FAAP20: variants seen among roughly 807,000 people sequenced by gnomAD.
FAAP20 encodes the protein Fanconi anemia core complex-associated protein 20.
FAAP20 carries 12 observed loss-of-function variants against 16.2 expected under a neutral mutation model. The observed-to-expected ratio is 0.74, with a 90% confidence interval of 0.48 to 1.20. FAAP20 has a LOEUF of 1.20. Ranked by LOEUF, FAAP20 falls within the 50% of genes most tolerant of loss-of-function variation. The pLI, the probability that FAAP20 is intolerant of heterozygous loss-of-function variation, is 0.00. For missense variants in FAAP20, 288 were observed against 245.8 expected (o/e 1.17, Z -1.15); for synonymous variants, 141 against 110.7 (o/e 1.27, Z -1.72).
upstream of FAAP20, among the ~76,000 whole-genome samples, chr1:2,196,540 CAAA>C (rs1203182062): frequency 2.3e-5 from 3 of 128,100 alleles, no homozygotes; most frequent in Non-Finnish European, 3.4e-5. This position sits in a 1 kb window ranked among gnomAD's most constrained non-coding sequence, Gnocchi z 4.5. Context: ...GACCCCAACT[CAAA>C]AAAAAAAAAA....
chr1:2,201,189 CGT>C (rs1014233896), upstream of FAAP20: 1 of 1,243,940 alleles, frequency 8.0e-7, no homozygotes, highest in African/African-American at 1.5e-5. Context: ...ACAGAGGAGC[CGT>C]GGGGTGGCTC....
At chr1:2,185,457 C>G (rs866992583), downstream of FAAP20, 1 of 718,560 alleles carries the variant, frequency 1.4e-6, no homozygotes. Flanking sequence ...GCAACCCACA[C>G]GTAGGGGGGC....
At position 2,193,735 on chromosome 1, in the gene FAAP20, T is replaced by A. The variant is rs1388057419; in HGVS notation, c.374A>T (p.Asp125Val). 6.3e-7 allele frequency: 1 copy of A among 1,590,878 alleles called. No homozygotes were observed. The highest frequency in any genetic ancestry group is 8.5e-7 in the Non-Finnish European group (1 of 1,172,616). The change falls in exon 3 of 4, where the codon GAT becomes GTT. Residue 125 changes from aspartate to valine, a missense_variant. By Grantham distance (152) the Asp-to-Val change is radical. Coordinates refer to ENST00000378546, the MANE Select transcript of FAAP20 (RefSeq NM_182533.4). ...CTCCACCCTGGGGGCCCTGCAGGGATCAGGTGCCGGGCGCTGGGGCAGGGA... is the reference window on the plus strand; with the variant it reads ...CTCCACCCTGGGGGCCCTGCAGGGAACAGGTGCCGGGCGCTGGGGCAGGGA... The part of the protein sequence containing the change: ...ARSLPQRPAP[D>V]PCRAPRVEQQ...
chr1:2,199,029 C>T, upstream of FAAP20: 1 of 1,242,588 alleles, frequency 8.0e-7, no homozygotes, highest in Non-Finnish European at 1.0e-6. The surrounding 1 kb of genome is among the most constrained non-coding windows in gnomAD (Gnocchi z 4.5). Context: ...CCCTTGGGCA[C>T]CGACAGCCTC....
In FAAP20 at chr1:2,190,733, T is replaced by A. The variant is rs149013327; in HGVS notation, c.471-952A>T. 775 of 305,120 alleles carry A rather than the reference T, an allele frequency of 2.5e-3. 5 individuals carry two copies. The highest frequency in any genetic ancestry group is 0.01 in the African/African-American group (463 of 46,244). The allele number at this position is 305,120 out of a possible 1,614,324, so 18.9% of individuals were successfully genotyped here. A position where few individuals can be genotyped will look rare whatever the true frequency, so the allele number is the denominator to read the frequency against. ...GGTCAGTGTCCCATCAGAGTGACCA[T>A]CCCTCACACGCCACTGCTGGGGGAC... On this transcript the variant is annotated intron_variant, in intron 3 of 3. Coordinates refer to ENST00000378546, the MANE Select transcript of FAAP20 (RefSeq NM_182533.4).
At position 2,194,073 on chromosome 1, in the gene FAAP20, G is replaced by A; in HGVS notation, c.123C>T (p.Ala41=). The A allele has an allele frequency of 6.2e-7, 1 of 1,612,624 alleles. No individual in the cohort carries two copies. Among genetic ancestry groups the A allele is most frequent in the Non-Finnish European group, 8.5e-7 (1 of 1,179,962 alleles). Residue 41 remains alanine (A), a synonymous_variant, in exon 2 of 4, where the codon GCC becomes GCT. Coordinates refer to ENST00000378546, the MANE Select transcript of FAAP20 (RefSeq NM_182533.4). The stretch of plus-strand genomic sequence containing the variant: ...CCGGGCTCACCGTGCGCAGTAGCTC[G>A]GCCCAGAGCCGCTCCCGCTCATCAC... ...LGGDERERLW[A]ELLRTVSPEL...
upstream of FAAP20, chr1:2,199,336 C>T (rs763706036): frequency 6.8e-6 from 7 of 1,032,156 alleles, no homozygotes; most frequent in African/African-American, 3.5e-5. The surrounding 1 kb of genome is among the most constrained non-coding windows in gnomAD (Gnocchi z 4.5). Context: ...CACCCAGGGG[C>T]GGGCTTTTAT....
At chr1:2,185,623 C>A (rs1227753440), downstream of FAAP20, 3 of 654,530 alleles carry the variant, frequency 4.6e-6, no homozygotes, top group Admixed American at 2.3e-5. Context: ...TGAAGTGACA[C>A]CTTAAGCAGA....
At chr1:2,190,160 G>C (rs1476039551) in intron 3 of FAAP20, 2 of 492,340 alleles carry the variant, frequency 4.1e-6, no homozygotes, top group Non-Finnish European at 8.0e-6. Flanking sequence ...GCCAGGGAGA[G>C]CCGCCGCGGC....
At chr1:2,195,397 G>T (rs1688770590), upstream of FAAP20, among the ~76,000 whole-genome samples, 1 of 152,204 alleles carries the variant, frequency 6.6e-6, no homozygotes, top group African/African-American at 2.4e-5. Flanking sequence ...GCCACACTTG[G>T]CTGTGCCCAG....
At chr1:2,209,244 G>A (rs564653617), downstream of FAAP20, among the ~76,000 whole-genome samples, 2 of 151,690 alleles carry the variant, frequency 1.3e-5, no homozygotes, top group Admixed American at 6.6e-5. Flanking sequence ...GCTGGCCCCC[G>A]CCCCGAAAGC....
upstream of FAAP20, among the ~76,000 whole-genome samples, chr1:2,196,299 T>C (rs926879502): frequency 4.6e-5 from 7 of 152,248 alleles, no homozygotes; most frequent in Non-Finnish European, 4.4e-5. This position sits in a 1 kb window ranked among gnomAD's most constrained non-coding sequence, Gnocchi z 4.5. Flanking sequence ...CAGCAGCCCA[T>C]GCCTGCAATT....
intron 1 of FAAP20, among the ~76,000 whole-genome samples, chr1:2,194,398 T>G: frequency 9.4e-6 from 1 of 106,460 alleles, no homozygotes; most frequent in Non-Finnish European, 1.9e-5. Flanking sequence ...TTGGGGAGAT[T>G]GCGGAGGGCC....
upstream of FAAP20, chr1:2,200,515 C>T: frequency 1.8e-6 from 1 of 560,156 alleles, no homozygotes; most frequent in Non-Finnish European, 2.3e-6. Context: ...CTGGAAGGGG[C>T]AGGCAGCAGC....
upstream of FAAP20, among the ~76,000 whole-genome samples, chr1:2,195,521 C>CA (rs1351654562): frequency 1.1e-4 from 16 of 152,276 alleles, no homozygotes; most frequent in South Asian, 1.2e-3. Flanking sequence ...GGGCCCTCGC[C>CA]AGACGCCACT....
At chr1:2,190,839 C>T (rs572641124) in intron 3 of FAAP20, 2 of 230,042 alleles carry the variant, frequency 8.7e-6, no homozygotes, top group African/African-American at 2.2e-5. Context: ...CGCTCCCCTA[C>T]AGCCTCTGCC....
At chr1:2,188,862 G>A (rs560922127), downstream of FAAP20, among the ~76,000 whole-genome samples, 3 of 152,068 alleles carry the variant, frequency 2.0e-5, no homozygotes, top group East Asian at 3.9e-4. Flanking sequence ...AAAATTAGCC[G>A]GGCGTGGTGG....
downstream of FAAP20, among the ~76,000 whole-genome samples, chr1:2,188,509 C>G (rs1022868734): frequency 1.3e-5 from 2 of 152,204 alleles, no homozygotes; most frequent in Non-Finnish European, 2.9e-5. Flanking sequence ...GTAGAAGGAG[C>G]AAGGGAACTC....
downstream of FAAP20, among the ~76,000 whole-genome samples, chr1:2,209,649 C>T (rs1557796700): frequency 6.6e-6 from 1 of 152,234 alleles, no homozygotes; most frequent in African/African-American, 2.4e-5. Flanking sequence ...CCTGAGCCAA[C>T]AGGGGGAGGG....
Sources: gnomAD v4.1 joint callset for allele counts (sites outside exome capture counted in the v4.1 genomes callset) on GRCh38, gnomAD v4.1.1 for gene constraint, Gnocchi (gnomAD v3.1) non-coding constraint, MANE v1.5 for transcripts, NCBI Gene and HGNC (gene_info 2026-07-23, HGNC 2026-07-21) for gene names.